The following DPF3 variants were observed in gnomAD, a reference collection of about 807,000 sequenced individuals.
DPF3 encodes the protein zinc finger protein DPF3.
A neutral mutation model predicts 56.8 loss-of-function variants in DPF3; 18 were observed. The ratio of observed to expected loss-of-function variants is 0.32; its 90% CI spans 0.22 to 0.47. The LOEUF (loss-of-function observed/expected upper bound fraction) is 0.47. Ranked by LOEUF, DPF3 falls within the 20% of genes least tolerant of loss-of-function variation. The probability of loss-of-function intolerance (pLI) is 1.00; values close to 1 mark genes in which losing one functional copy is unlikely to be tolerated. For synonymous variants in DPF3, 188 were observed against 180.2 expected (o/e 1.04, Z -0.35); for missense variants, 403 against 488.8 (o/e 0.82, Z 1.65).
chr14:72,892,490 T>C (rs1397842711), intron 1 of DPF3: 1 of 1,425,214 alleles, frequency 7.0e-7, no homozygotes, highest in Non-Finnish European at 9.1e-7. Flanking sequence ...ATTTGAAACC[T>C]GGGGCCTTCC....
At chr14:72,627,276 G>A (rs560341133) in intron 9 of DPF3, among the ~76,000 whole-genome samples, 5 of 152,026 alleles carry the variant, frequency 3.3e-5, no homozygotes, top group Admixed American at 2.0e-4. Context: ...GTACTAGCGT[G>A]GTTTTACTTT....
chr14:72,836,410 G>C, intron 1 of DPF3: 2 of 985,556 alleles, frequency 2.0e-6, no homozygotes, highest in Non-Finnish European at 2.4e-6. Context: ...GCCTACTCCA[G>C]CCACTGGATA....
At chr14:72,876,919 T>A (rs891206411) in intron 1 of DPF3, among the ~76,000 whole-genome samples, 2 of 152,264 alleles carry the variant, frequency 1.3e-5, no homozygotes, top group African/African-American at 4.8e-5. Context: ...GTAAGCTTTG[T>A]CCTTTTCCTC....
At chr14:72,875,178 T>C (rs1431298382) in intron 1 of DPF3, among the ~76,000 whole-genome samples, 1 of 152,154 alleles carries the variant, frequency 6.6e-6, no homozygotes, top group Non-Finnish European at 1.5e-5. Flanking sequence ...CCACAACACA[T>C]GGGAATTCTG....
At chr14:72,838,162 A>G (rs1223534649) in intron 1 of DPF3, among the ~76,000 whole-genome samples, 1 of 152,182 alleles carries the variant, frequency 6.6e-6, no homozygotes, top group Non-Finnish European at 1.5e-5. Flanking sequence ...CTTTCACAAA[A>G]TGGGCCTGCT....
chr14:72,727,129 G>A lies in DPF3; in HGVS notation c.430-3401C>T, dbSNP rs1011959507. 6.6e-5 allele frequency among the ~76,000 whole-genome samples: 10 copies of A among 151,618 alleles called. No homozygotes were observed. In the East Asian group the frequency reaches 1.9e-3, roughly 29 times the overall value. On this transcript the variant is annotated intron_variant, in intron 4 of 10. Coordinates refer to ENST00000556509, the MANE Select transcript of DPF3 (RefSeq NM_001280542.3). ...AAACTCCTGGGCTCTTTTTTCCCTG[G>A]CACAATACTCCGGCCACACAGGTCT...
intron 1 of DPF3, among the ~76,000 whole-genome samples, chr14:72,803,926 G>C (rs1347667440): frequency 2.0e-5 from 3 of 151,580 alleles, no homozygotes; most frequent in African/African-American, 7.3e-5. Flanking sequence ...CCTTGAGCCT[G>C]TCATACACAG....
intron 8 of DPF3, chr14:72,662,811 G>C (rs1413406799): frequency 1.0e-6 from 1 of 985,916 alleles, no homozygotes; most frequent in South Asian, 4.7e-5. Flanking sequence ...AAGGATGCTG[G>C]AGTCCCCAGG....
In DPF3 at chr14:72,731,849, C is replaced by A. The variant is rs1889666394; in HGVS notation, c.387G>T (p.Lys129Asn). 3 of 1,613,194 alleles carry A rather than the reference C, an allele frequency of 1.9e-6. No homozygotes were observed. Among genetic ancestry groups the A allele is most frequent in the Admixed American group, 1.7e-5 (1 of 59,938 alleles). ...EALLRGEGVE[K>N]KVDAREEESI... ...TTTCCTCCTCCCTGGCATCCACCTT[C>A]TTCTCAACCCCCTCGCCACGGAGCA... Residue 129 changes from lysine to asparagine, a missense_variant, in exon 4 of 11, where the codon AAG (lysine) becomes AAT (asparagine). By Grantham distance (94) the Lys-to-Asn change is moderately conservative. Transcript: ENST00000556509.
intron 4 of DPF3, among the ~76,000 whole-genome samples, chr14:72,726,861 C>A (rs1889428720): frequency 6.6e-6 from 1 of 152,038 alleles, no homozygotes; most frequent in African/African-American, 2.4e-5. Context: ...AAAAAAAATC[C>A]TTTTTAAAGA....
intron 7 of DPF3, among the ~76,000 whole-genome samples, chr14:72,674,946 G>A (rs1886845604): frequency 6.6e-6 from 1 of 152,228 alleles, no homozygotes; most frequent in African/African-American, 2.4e-5. Flanking sequence ...TCTCCCTGAA[G>A]GGGAGTCTCA....
chr14:72,622,085 C>A (rs184105152), intron 9 of DPF3, among the ~76,000 whole-genome samples: 103 of 152,298 alleles, frequency 6.8e-4, no homozygotes, highest in Admixed American at 2.3e-3. Flanking sequence ...ATGTCTTTGA[C>A]CTTGTCTTCA....
At chr14:72,643,543 C>T (rs1374791147) in intron 8 of DPF3, among the ~76,000 whole-genome samples, 3 of 152,246 alleles carry the variant, frequency 2.0e-5, no homozygotes, top group Non-Finnish European at 4.4e-5. Context: ...GGTGGTGTTA[C>T]TGGGCTTCGG....
chr14:72,667,022 C>T (rs1388102835), intron 8 of DPF3, among the ~76,000 whole-genome samples: 1 of 152,168 alleles, frequency 6.6e-6, no homozygotes, highest in Non-Finnish European at 1.5e-5. Context: ...ATCTTGCATT[C>T]CCTCCAGTGC....
chr14:72,675,815 GA>G (rs1886884758), intron 7 of DPF3: 1 of 152,242 alleles, frequency 6.6e-6, no homozygotes, highest in African/African-American at 2.4e-5. Flanking sequence ...CTGTTTGGGG[GA>G]CACAGAGGAG....
intron 1 of DPF3, among the ~76,000 whole-genome samples, chr14:72,847,185 A>G (rs1048236737): frequency 6.6e-6 from 1 of 152,064 alleles, no homozygotes; most frequent in South Asian, 2.1e-4. Flanking sequence ...TTTACTTTAC[A>G]CTTACACTTA....
chr14:72,741,497 A>G (rs1890121159), intron 3 of DPF3, among the ~76,000 whole-genome samples: 2 of 152,228 alleles, frequency 1.3e-5, no homozygotes, highest in Admixed American at 6.5e-5. Context: ...CAAGATGGCA[A>G]CACTTGGGCC....
chr14:72,731,551 G>C lies in DPF3; in HGVS notation c.429+256C>G, dbSNP rs533811187. The C allele has an allele frequency of 5.4e-4, 255 of 468,646 alleles. 1 individual carries two copies. The highest frequency in any genetic ancestry group is 8.3e-4 in the Non-Finnish European group (213 of 255,806). The allele number at this position is 468,646 out of a possible 1,614,324, so 29.0% of individuals were successfully genotyped here. A position where few individuals can be genotyped will look rare whatever the true frequency, so the allele number is the denominator to read the frequency against. On this transcript the variant is annotated intron_variant, in intron 4 of 10. Transcript: ENST00000556509. ...CCCTGCACAGTCCCTGTGTTCACTA[G>C]GCTCAACAAATTCACTTTGCATAGA...
chr14:72,711,823 ATGGTAACACC>A, intron 6 of DPF3, among the ~76,000 whole-genome samples: 1 of 152,172 alleles, frequency 6.6e-6, no homozygotes, highest in Non-Finnish European at 1.5e-5. Flanking sequence ...AGGGCAGCTT[ATGGTAACACC>A]ATCCCTAGGG....
Sources: gnomAD v4.1 joint callset for allele counts (sites outside exome capture counted in the v4.1 genomes callset) on GRCh38, gnomAD v4.1.1 for gene constraint, MANE v1.5 for transcripts, NCBI Gene and HGNC (gene_info 2026-07-23, HGNC 2026-07-21) for gene names.